Variants in KCNIP4 observed in about 807,000 individuals in gnomAD.
The protein encoded by KCNIP4 is Kv channel-interacting protein 4.
In KCNIP4, 12 loss-of-function variants were observed where a neutral mutation model predicts 34.0. The ratio of observed to expected loss-of-function variants is 0.35; its 90% confidence interval spans 0.23 to 0.57. The LOEUF (loss-of-function observed/expected upper bound fraction) is 0.57, where lower values mean the gene tolerates loss of function less well. Ranked by LOEUF, KCNIP4 falls within the 20% of genes least tolerant of loss-of-function variation. KCNIP4 has a pLI of 0.83. For synonymous variants in KCNIP4, 124 were observed against 102.2 expected, an observed-to-expected ratio of 1.21 and a Z score of -1.29; for missense variants, 238 against 311.7, an observed-to-expected ratio of 0.76 and a Z score of 1.78.
At chr4:21,202,074 G>A (rs546232863) in intron 1 of KCNIP4, among the ~76,000 whole-genome samples, 3 of 152,140 alleles carry the variant, frequency 2.0e-5, no homozygotes, top group Non-Finnish European at 4.4e-5. Flanking sequence ...CTCAAAGAAC[G>A]AAGAGTTGAA....
rs1724827568 is a variant in KCNIP4, at chr4:20,882,634, G to C, written c.137C>G (p.Ala46Gly). The C allele has an allele frequency of 6.2e-7, 1 of 1,613,462 alleles. No homozygotes were observed. The change falls in exon 2 of 9, where the codon GCC becomes GGC. Residue 46 changes from alanine (A) to glycine (G), a missense_variant. Physicochemically the swap from Ala to Gly is moderately conservative, Grantham distance 60 (BLOSUM62 0). Transcript: ENST00000382152. ...RLMKLLPCSA[A>G]KTSSPAIQNS... ...TTGAATAGCAGGAGACGACGTTTTG[G>C]CAGCTGAGCAGGGCAAGAGCTTCAT...
At chr4:21,738,987 C>T (rs1716214350) in intron 1 of KCNIP4, among the ~76,000 whole-genome samples, 1 of 152,082 alleles carries the variant, frequency 6.6e-6, no homozygotes, top group South Asian at 2.1e-4. Flanking sequence ...ATAGTGAAAT[C>T]ACAGGCATGT....
intron 1 of KCNIP4, among the ~76,000 whole-genome samples, chr4:21,392,560 G>A (rs1477946841): frequency 6.6e-6 from 1 of 152,210 alleles, no homozygotes; most frequent in Admixed American, 6.5e-5. Flanking sequence ...GAAGCGCTGT[G>A]AGCTTCACAA....
chr4:21,076,029 C>A (rs1037580543), intron 1 of KCNIP4, among the ~76,000 whole-genome samples: 1 of 152,134 alleles, frequency 6.6e-6, no homozygotes, highest in Non-Finnish European at 1.5e-5. Context: ...ACGGGTTTCC[C>A]TTTGTGGGTA....
At chr4:20,945,381 G>T (rs896016783) in intron 1 of KCNIP4, among the ~76,000 whole-genome samples, 1 of 152,146 alleles carries the variant, frequency 6.6e-6, no homozygotes, top group South Asian at 2.1e-4. Context: ...AGTTGTGTTG[G>T]CAAGAACATT....
chr4:21,188,262 A>G (rs941268155), intron 1 of KCNIP4, among the ~76,000 whole-genome samples: 3 of 152,154 alleles, frequency 2.0e-5, no homozygotes, highest in Non-Finnish European at 4.4e-5. Flanking sequence ...GTGAAGGATA[A>G]ACACAGGGGA....
At chr4:21,257,232 C>T (rs146961825) in intron 1 of KCNIP4, among the ~76,000 whole-genome samples, 95 of 152,180 alleles carry the variant, frequency 6.2e-4, no homozygotes, top group Middle Eastern at 3.4e-3. Context: ...TTGGCATGTT[C>T]GATTTGAGAC....
At chr4:21,692,229 A>G (rs1711739583) in intron 1 of KCNIP4, among the ~76,000 whole-genome samples, 1 of 152,234 alleles carries the variant, frequency 6.6e-6, no homozygotes, top group Admixed American at 6.5e-5. Flanking sequence ...GAAAAAGAAC[A>G]TAATTTGCAA....
At chr4:21,174,167 A>G (rs1210752757) in intron 1 of KCNIP4, among the ~76,000 whole-genome samples, 1 of 152,186 alleles carries the variant, frequency 6.6e-6, no homozygotes, top group Non-Finnish European at 1.5e-5. Context: ...GAACACCCAC[A>G]TTTAAAAAAA....
At chr4:21,935,238 T>G (rs981017030) in intron 1 of KCNIP4, among the ~76,000 whole-genome samples, 1 of 152,072 alleles carries the variant, frequency 6.6e-6, no homozygotes, top group African/African-American at 2.4e-5. Context: ...CTCGACAACT[T>G]TGATGACTTC....
chr4:20,959,391 G>C (rs183507706), intron 1 of KCNIP4, among the ~76,000 whole-genome samples: 8 of 152,284 alleles, frequency 5.3e-5, no homozygotes, highest in Admixed American at 5.2e-4. Flanking sequence ...CCAAAATGCT[G>C]AAATTGTACA....
At chr4:20,927,275 C>A (rs977654863) in intron 1 of KCNIP4, among the ~76,000 whole-genome samples, 3 of 152,134 alleles carry the variant, frequency 2.0e-5, no homozygotes, top group East Asian at 1.9e-4. Flanking sequence ...CCGTGCCCTG[C>A]CCTTATTGTA....
chr4:21,352,409 G>A (rs1718099212), intron 1 of KCNIP4, among the ~76,000 whole-genome samples: 2 of 152,176 alleles, frequency 1.3e-5, no homozygotes, highest in African/African-American at 4.8e-5. Context: ...TGGAAAAATG[G>A]GACACTCTCA....
chr4:20,731,867 C>A, intron 8 of KCNIP4, 139 bp downstream of exon 8: 1 of 1,437,012 alleles, frequency 7.0e-7, no homozygotes, highest in South Asian at 1.5e-5. Context: ...GAGTGGTAGG[C>A]TTATGCTGCA....
At chr4:20,835,443 T>TTTA (rs200453357) in intron 3 of KCNIP4, among the ~76,000 whole-genome samples, 1,577 of 152,044 alleles carry the variant, frequency 0.01, 30 homozygotes, top group African/African-American at 0.036. Context: ...GCCCATTTCT[T>TTTA]TTATTATTAT....
At chr4:21,801,238 A>G (rs1720975170) in intron 1 of KCNIP4, among the ~76,000 whole-genome samples, 1 of 152,182 alleles carries the variant, frequency 6.6e-6, no homozygotes, top group Non-Finnish European at 1.5e-5. Context: ...AATCTTTTTA[A>G]ATTTATGTTA....
At chr4:20,845,496 C>A (rs1267964698) in intron 3 of KCNIP4, among the ~76,000 whole-genome samples, 1 of 152,130 alleles carries the variant, frequency 6.6e-6, no homozygotes, top group African/African-American at 2.4e-5. Flanking sequence ...CCAATCCCAC[C>A]ACCCTCTGCT....
chr4:20,796,206 T>A (rs1713434907), intron 3 of KCNIP4, among the ~76,000 whole-genome samples: 1 of 152,222 alleles, frequency 6.6e-6, no homozygotes, highest in African/African-American at 2.4e-5. Flanking sequence ...TCTATTAAGT[T>A]AATATTTACT....
intron 1 of KCNIP4, among the ~76,000 whole-genome samples, chr4:21,152,814 A>G (rs1169938096): frequency 6.6e-6 from 1 of 152,140 alleles, no homozygotes; most frequent in Non-Finnish European, 1.5e-5. Context: ...AGCGAAGCCT[A>G]TTGTGAACTA....
Sources: gnomAD v4.1 joint callset for allele counts (sites outside exome capture counted in the v4.1 genomes callset) on GRCh38, gnomAD v4.1.1 for gene constraint, MANE v1.5 for transcripts, NCBI Gene and HGNC (gene_info 2026-07-23, HGNC 2026-07-21) for gene names.